SORBS2: variants seen among roughly 807,000 people sequenced by gnomAD.
SORBS2 encodes the protein sorbin and SH3 domain containing 2, also known as sorbin and SH3 domain-containing protein 2.
SORBS2 carries 46 observed loss-of-function variants against 97.7 expected under a neutral mutation model. The observed-to-expected ratio is 0.47, with a 90% confidence interval of 0.37 to 0.60. The LOEUF (loss-of-function observed/expected upper bound fraction) is 0.60, where lower values mean the gene tolerates loss of function less well. SORBS2 is among the 20% of genes least tolerant of loss of function. The pLI is 0.00. For synonymous variants in SORBS2, 476 were observed against 473.4 expected (o/e 1.01, Z -0.07); for missense variants, 1,316 against 1,282.3 (o/e 1.03, Z -0.40).
intron 2 of SORBS2, among the ~76,000 whole-genome samples, chr4:185,695,969 G>T (rs2098169528): frequency 6.6e-6 from 1 of 152,108 alleles, no homozygotes; most frequent in South Asian, 2.1e-4. Flanking sequence ...AGAACACCAA[G>T]TACCTCCCAG....
chr4:185,793,401 A>G (rs989645340), intron 1 of SORBS2, among the ~76,000 whole-genome samples: 4 of 152,210 alleles, frequency 2.6e-5, no homozygotes, highest in African/African-American at 9.6e-5. Flanking sequence ...TCTCCAGATG[A>G]TTAGTTTGCC....
At position 185,594,141 on chromosome 4, in the gene SORBS2, A is replaced by C. The variant is rs567430241; in HGVS notation, c.2797-206T>G. 8 of 554,536 alleles carry C rather than the reference A, an allele frequency of 1.4e-5. No individual in the cohort carries two copies. The South Asian group carries it at 1.8e-4, about 13-fold the overall frequency. 34.4% of individuals were successfully genotyped at this position (554,536 alleles called of 1,614,324 possible). On this transcript the variant is annotated intron_variant, in intron 12 of 14. Coordinates refer to ENST00000418609, the Ensembl canonical transcript of SORBS2. Reference sequence around the variant, plus strand: ...GCTTTAAATTAAAGCAAAATAAGCAAGGTCAAATGTTTTGAACATGTCTAC... The same window carrying C: ...GCTTTAAATTAAAGCAAAATAAGCACGGTCAAATGTTTTGAACATGTCTAC...
At chr4:185,597,005 C>A (rs1280440835) in intron 12 of SORBS2, among the ~76,000 whole-genome samples, 2 of 152,034 alleles carry the variant, frequency 1.3e-5, no homozygotes, top group African/African-American at 2.4e-5. Context: ...CTTATAATGG[C>A]GAGTTTTAGA....
At position 185,908,375 on chromosome 4, in the gene SORBS2, G is replaced by C. The variant is rs1291336834; in HGVS notation, c.-338+47821C>G. Among the ~76,000 whole-genome samples, 9 of 117,574 alleles carry C rather than the reference G, an allele frequency of 7.7e-5. No homozygotes were observed. The East Asian group carries it at 2.1e-3, about 27-fold the overall frequency. The allele number at this position is 117,574 out of a possible 152,430, so 77.1% of individuals were successfully genotyped here. Reference sequence around the variant, plus strand: ...CACATATATATACATGTATATATATGTTAGTAAATGGCCACTCGAGGTATA... The same window carrying C: ...CACATATATATACATGTATATATATCTTAGTAAATGGCCACTCGAGGTATA... On this transcript the variant is annotated intron_variant, in intron 1 of 20. Transcript: ENST00000284776.
At chr4:185,934,804 A>C (rs2099268183) in intron 1 of SORBS2, among the ~76,000 whole-genome samples, 1 of 150,890 alleles carries the variant, frequency 6.6e-6, no homozygotes, top group Non-Finnish European at 1.5e-5. Context: ...AAAATGAGAG[A>C]GAAATCAAGG....
intron 1 of SORBS2, among the ~76,000 whole-genome samples, chr4:185,945,485 C>T (rs1402576951): frequency 2.0e-5 from 3 of 152,298 alleles, no homozygotes; most frequent in African/African-American, 7.2e-5. Flanking sequence ...TGATTCAAAT[C>T]CCAAGTTATT....
At chr4:185,647,491 C>T (rs865818423) in intron 3 of SORBS2, among the ~76,000 whole-genome samples, 65 of 150,108 alleles carry the variant, frequency 4.3e-4, no homozygotes, top group African/African-American at 1.6e-3. Flanking sequence ...CAGCTCGCTG[C>T]CATCTCACTC....
At chr4:185,729,821 ATATAACACGCAGTGTAGAAGAAC>A (rs2098600116) in intron 2 of SORBS2, among the ~76,000 whole-genome samples, 1 of 152,240 alleles carries the variant, frequency 6.6e-6, no homozygotes, top group South Asian at 2.1e-4. Context: ...AGTGAGAAAA[ATATAACACGCAGTGTAGAAGAAC>A]TTTTGGCTCT....
chr4:185,919,888 T>C (rs1429533611), intron 1 of SORBS2, among the ~76,000 whole-genome samples: 2 of 152,266 alleles, frequency 1.3e-5, no homozygotes, highest in South Asian at 2.1e-4. Context: ...CAATAATACA[T>C]GGCAGATGAC....
At chr4:185,645,952 T>C (rs2097200673) in intron 4 of SORBS2, 1 of 152,188 alleles carries the variant, frequency 6.6e-6, no homozygotes, top group Admixed American at 6.5e-5. Flanking sequence ...GTGGTTCTTC[T>C]TAAGTGTATA....
intron 4 of SORBS2, among the ~76,000 whole-genome samples, chr4:185,667,598 C>T (rs1317267098): frequency 6.6e-6 from 1 of 151,276 alleles, no homozygotes; most frequent in Non-Finnish European, 1.5e-5. Context: ...GTTAAGAAAC[C>T]CCAACCTTGG....
intron 1 of SORBS2, among the ~76,000 whole-genome samples, chr4:185,827,145 TGCC>T (rs2099200650): frequency 1.2e-4 from 1 of 8,650 alleles, no homozygotes; most frequent in African/African-American, 4.4e-4. Flanking sequence ...TCATCACCAT[TGCC>T]ATCATCATCA....
chr4:185,694,347 G>A (rs959188016), intron 2 of SORBS2, among the ~76,000 whole-genome samples: 3 of 152,198 alleles, frequency 2.0e-5, no homozygotes, highest in Non-Finnish European at 2.9e-5. Flanking sequence ...AATTGAACCA[G>A]GGACGAGACT....
At chr4:185,859,224 G>T (rs1187916025) in intron 1 of SORBS2, among the ~76,000 whole-genome samples, 2 of 152,190 alleles carry the variant, frequency 1.3e-5, no homozygotes, top group Middle Eastern at 3.2e-3. Context: ...TGAAGACAAA[G>T]AATTCATTCT....
intron 1 of SORBS2, among the ~76,000 whole-genome samples, chr4:185,845,133 C>T (rs1300540694): frequency 2.0e-5 from 3 of 151,892 alleles, no homozygotes; most frequent in African/African-American, 7.3e-5. Flanking sequence ...CCACCTCAGC[C>T]CCCCTAGTAC....
intron 4 of SORBS2, among the ~76,000 whole-genome samples, chr4:185,662,696 T>C (rs2097539258): frequency 6.6e-6 from 1 of 152,226 alleles, no homozygotes; most frequent in African/African-American, 2.4e-5. Context: ...AGGGATATCT[T>C]CTAGTGAATG....
chr4:185,785,317 C>T (rs543799195), intron 1 of SORBS2, among the ~76,000 whole-genome samples: 2 of 151,910 alleles, frequency 1.3e-5, no homozygotes, highest in African/African-American at 2.4e-5. Flanking sequence ...TTTGATTAGG[C>T]GGCCGGTGAA....
At chr4:185,724,158 C>A (rs1017463014) in intron 2 of SORBS2, among the ~76,000 whole-genome samples, 1 of 152,086 alleles carries the variant, frequency 6.6e-6, no homozygotes, top group Non-Finnish European at 1.5e-5. Context: ...TGAAAAAGAT[C>A]CAGGGTTTCT....
chr4:185,690,898 T>C (rs890940851), intron 2 of SORBS2, among the ~76,000 whole-genome samples: 39 of 43,550 alleles, frequency 9.0e-4, no homozygotes, highest in African/African-American at 2.7e-3. Context: ...GTTTTTCTTT[T>C]TTTCTTTCTT....
Sources: allele counts gnomAD v4.1 joint callset (sites outside exome capture counted in the v4.1 genomes callset), GRCh38; gene constraint gnomAD v4.1.1; transcripts MANE v1.5; gene names NCBI Gene and HGNC (gene_info 2026-07-23, HGNC 2026-07-21).